Variants in MIB1 observed in about 807,000 individuals in gnomAD.
The protein encoded by MIB1 is E3 ubiquitin-protein ligase MIB1.
Under a neutral mutation model 124.5 loss-of-function variants are expected in MIB1, and 278 were observed. That is an observed-to-expected ratio of 2.23 (90% CI 2.02 to 2.47). The LOEUF (loss-of-function observed/expected upper bound fraction) is 2.47, where lower values mean the gene tolerates loss of function less well. Ranked by LOEUF, MIB1 falls within the 30% of genes most tolerant of loss-of-function variation. The probability of loss-of-function intolerance (pLI) is 0.00; values close to 1 mark genes in which losing one functional copy is unlikely to be tolerated. For synonymous variants in MIB1, 446 were observed against 429.4 expected (o/e 1.04, Z -0.48); for missense variants, 957 against 1,254.4 (o/e 0.76, Z 3.58).
At chr18:21,705,476 A>G (rs528688212) in intron 1 of MIB1, among the ~76,000 whole-genome samples, 16 of 152,344 alleles carry the variant, frequency 1.1e-4, no homozygotes, top group Non-Finnish European at 2.2e-4. Context: ...ACAAGAAACC[A>G]TTTATGAAGT....
At chr18:21,765,298 T>A (rs2041143964) in intron 1 of MIB1, among the ~76,000 whole-genome samples, 1 of 152,218 alleles carries the variant, frequency 6.6e-6, no homozygotes, top group South Asian at 2.1e-4. Context: ...GGGAAAAACT[T>A]GTCAATATCT....
intron 1 of MIB1, among the ~76,000 whole-genome samples, chr18:21,727,624 C>T (rs902691997): frequency 1.3e-5 from 2 of 152,112 alleles, no homozygotes; most frequent in African/African-American, 4.8e-5. Context: ...ATTAGCCAGG[C>T]ATGGTGACAC....
intron 2 of MIB1, among the ~76,000 whole-genome samples, 158 bp downstream of exon 2, chr18:21,766,101 TATAAC>T (rs2146407184): frequency 6.6e-6 from 1 of 152,350 alleles, no homozygotes; most frequent in East Asian, 1.9e-4. Context: ...AAATCTGCCA[TATAAC>T]AAGAGAAGAG....
chr18:21,837,519 CA>C (rs1276168186), intron 12 of MIB1, among the ~76,000 whole-genome samples: 1 of 152,184 alleles, frequency 6.6e-6, no homozygotes, highest in Non-Finnish European at 1.5e-5. Flanking sequence ...GGAAAACAAA[CA>C]GACAAACAAA....
chr18:21,748,571 A>G (rs2146383447), intron 1 of MIB1, among the ~76,000 whole-genome samples: 1 of 151,646 alleles, frequency 6.6e-6, no homozygotes, highest in Non-Finnish European at 1.5e-5. Context: ...CTGGGACTAC[A>G]GGTGCGCACC....
chr18:21,830,165 G>A, intron 12 of MIB1, among the ~76,000 whole-genome samples: 1 of 103,108 alleles, frequency 9.7e-6, no homozygotes, highest in East Asian at 2.7e-4. Context: ...TTTCAGCAAT[G>A]CAGCATTAGA....
Position 21,853,142 on chromosome 18 carries a change from T to C in MIB1, c.2589T>C (p.Ile863=). ...CKEQVQSRTK[I]EECVVCSDKK... is the part of the protein sequence containing the mutation. Reference sequence around the variant, plus strand: ...TGCTGTAACCTCTTTTTCTATAGATTGAAGAATGTGTGGTATGCTCTGACA... The same window carrying C: ...TGCTGTAACCTCTTTTTCTATAGATCGAAGAATGTGTGGTATGCTCTGACA... The change falls in exon 18 of 21, where the codon ATT becomes ATC. Residue 863 remains isoleucine, a splice_region_variant and synonymous_variant. Transcript: ENST00000261537. The C allele has an allele frequency of 6.2e-7, 1 of 1,610,428 alleles. No individual in the cohort carries two copies. Among genetic ancestry groups the C allele is most frequent in the Non-Finnish European group, 8.5e-7 (1 of 1,176,832 alleles).
chr18:21,850,847 C>T (rs933363084), intron 17 of MIB1, among the ~76,000 whole-genome samples: 1 of 152,238 alleles, frequency 6.6e-6, no homozygotes, highest in Middle Eastern at 3.4e-3. Context: ...AAAAGAAGAA[C>T]AAAAATTTAA....
intron 1 of MIB1, among the ~76,000 whole-genome samples, chr18:21,762,066 T>A (rs2041104460): frequency 6.6e-6 from 1 of 152,172 alleles, no homozygotes; most frequent in Non-Finnish European, 1.5e-5. Flanking sequence ...TTTATAATTT[T>A]AAAAAGAAAA....
At chr18:21,750,996 A>C (rs1024445550) in intron 1 of MIB1, among the ~76,000 whole-genome samples, 1 of 152,046 alleles carries the variant, frequency 6.6e-6, no homozygotes, top group Non-Finnish European at 1.5e-5. Context: ...CAGGGATTTG[A>C]GACCAGCCTG....
intron 6 of MIB1, among the ~76,000 whole-genome samples, chr18:21,783,728 T>C (rs1025326627): frequency 2.6e-5 from 4 of 152,068 alleles, no homozygotes; most frequent in Non-Finnish European, 2.9e-5. Context: ...TACGTTTTAA[T>C]GTGTTTTTTA....
At chr18:21,715,704 A>G (rs976840423) in intron 1 of MIB1, among the ~76,000 whole-genome samples, 3 of 152,122 alleles carry the variant, frequency 2.0e-5, no homozygotes, top group Non-Finnish European at 2.9e-5. Context: ...ATGCACTTAT[A>G]GAATGCAAAA....
chr18:21,744,664 G>T (rs1327471777), intron 1 of MIB1, among the ~76,000 whole-genome samples: 1 of 152,128 alleles, frequency 6.6e-6, no homozygotes, highest in African/African-American at 2.4e-5. Context: ...CTCAAATTGG[G>T]TGTTTCTGCT....
chr18:21,759,517 A>G (rs1158336033), intron 1 of MIB1, among the ~76,000 whole-genome samples: 7 of 152,044 alleles, frequency 4.6e-5, no homozygotes, highest in Non-Finnish European at 5.9e-5. Context: ...CTGGGATTAC[A>G]CTTGTGAGCC....
intron 12 of MIB1, chr18:21,828,820 C>T (rs1256078825): frequency 5.4e-6 from 1 of 184,924 alleles, no homozygotes; most frequent in Non-Finnish European, 1.2e-5. Flanking sequence ...TCTTTTCCTT[C>T]ATGAAATAAA....
At chr18:21,765,985 T>C (rs1294852466) in intron 2 of MIB1, 42 bp downstream of exon 2, 1 of 1,583,152 alleles carries the variant, frequency 6.3e-7, no homozygotes, top group East Asian at 2.2e-5. Context: ...GGTTTTTGTT[T>C]GTATTCAAGT....
chr18:21,864,174 G>C (rs112644600), intron 20 of MIB1, among the ~76,000 whole-genome samples: 1,545 of 152,138 alleles, frequency 0.01, 23 homozygotes, highest in African/African-American at 0.035. Flanking sequence ...ACAGCGGCGC[G>C]ATCTTGGCTT....
At chr18:21,746,367 G>A (rs2040913206) in intron 1 of MIB1, among the ~76,000 whole-genome samples, 1 of 152,150 alleles carries the variant, frequency 6.6e-6, no homozygotes, top group South Asian at 2.1e-4. Flanking sequence ...CACATGATAT[G>A]TTTGAATTTA....
chr18:21,868,123 G>C lies in MIB1; in HGVS notation c.*3457G>C, dbSNP rs755405822. 1 of 151,806 alleles carries C rather than the reference G, an allele frequency of 6.6e-6. No individual in the cohort carries two copies. The highest frequency in any genetic ancestry group is 1.5e-5 in the Non-Finnish European group (1 of 67,846). The allele number at this position is 151,806 out of a possible 1,614,324, so 9.4% of individuals were successfully genotyped here. Reference sequence around the variant, plus strand: ...TTGAATAGTTTTTTGTATTTTTTGTGATGAAAAACTCATAACATAAAATTT... The same window carrying C: ...TTGAATAGTTTTTTGTATTTTTTGTCATGAAAAACTCATAACATAAAATTT... On this transcript the variant is annotated 3_prime_UTR_variant, in exon 21 of 21. Transcript: ENST00000261537.
Sources: allele counts gnomAD v4.1 joint callset (sites outside exome capture counted in the v4.1 genomes callset), GRCh38; gene constraint gnomAD v4.1.1; transcripts MANE v1.5; gene names NCBI Gene and HGNC (gene_info 2026-07-23, HGNC 2026-07-21).